Variants in ERCC5 observed in about 807,000 individuals in gnomAD.
The protein encoded by ERCC5 is ERCC excision repair 5, endonuclease.
In ERCC5, 68 loss-of-function variants were observed where a neutral mutation model predicts 105.6. The observed-to-expected ratio is 0.64, with a 90% CI of 0.53 to 0.79. ERCC5 has a LOEUF of 0.79. ERCC5 is among the 30% of genes least tolerant of loss of function. The pLI, the probability that ERCC5 is intolerant of heterozygous loss-of-function variation, is 0.00. For synonymous variants in ERCC5, 546 were observed against 526.2 expected, an observed-to-expected ratio of 1.04 and a Z score of -0.51; for missense variants, 1,373 against 1,426.7, an observed-to-expected ratio of 0.96 and a Z score of 0.61.
rs1416200387 is a variant in ERCC5, at chr13:102,853,890, G to A, written c.380+18G>A. The A allele has an allele frequency of 1.9e-6, 3 of 1,608,902 alleles. No homozygotes were observed. In the Admixed American group the frequency reaches 5.0e-5, roughly 27 times the overall value. On this transcript the variant is annotated intron_variant, in intron 3 of 14. Coordinates refer to ENST00000652225, the MANE Select transcript of ERCC5 (RefSeq NM_000123.4). Reference sequence around the variant, plus strand: ...AGCAAAAGGCAAGAGGAAAATTATAGTCGTGTTAGAGATGAAGTTTTAAAA... The same window carrying A: ...AGCAAAAGGCAAGAGGAAAATTATAATCGTGTTAGAGATGAAGTTTTAAAA...
At chr13:102,857,198 C>G (rs773226658) in intron 5 of ERCC5, among the ~76,000 whole-genome samples, 6 of 152,090 alleles carry the variant, frequency 3.9e-5, no homozygotes, top group Non-Finnish European at 8.8e-5. Context: ...GCTAAAACCT[C>G]GAGATCCTTC....
chr13:102,862,612 T>C lies in ERCC5; in HGVS notation c.1463T>C (p.Ile488Thr). ...CACGTGGGGACTGAAGCCTTTCCGA[T>C]AAGTGATGAGTCTATGATTAAGGAC... ...LVHVGTEAFPISDESMIKDRK... is the reference protein window; with the variant it reads ...LVHVGTEAFPTSDESMIKDRK... The change falls in exon 8 of 15, where the codon ATA becomes ACA. Residue 488 changes from isoleucine (I) to threonine (T), a missense_variant. By Grantham distance (89) the Ile-to-Thr change is moderately conservative. Transcript: ENST00000652225. The C allele has an allele frequency of 6.2e-7, 1 of 1,614,070 alleles. No homozygotes were observed. The highest frequency in any genetic ancestry group is 8.5e-7 in the Non-Finnish European group (1 of 1,180,004).
chr13:102,856,070 A>G lies in ERCC5; in HGVS notation c.486A>G (p.Glu162=), dbSNP rs774320256. Residue 162 remains glutamate, a synonymous_variant, in exon 5 of 15, where the codon GAA becomes GAG. Transcript: ENST00000652225. ...EEKHSSEEED[E]KEWQERMNQK... ...CTTTCAGTTCAGAAGAGGAAGATGA[A>G]AAAGAATGGCAAGAAAGAATGAATC... The G allele has an allele frequency of 6.2e-7, 1 of 1,614,056 alleles. No individual in the cohort carries two copies. Among genetic ancestry groups the G allele is most frequent in the Non-Finnish European group, 8.5e-7 (1 of 1,179,942 alleles).
chr13:102,860,005 C>A (rs890610331), intron 6 of ERCC5, among the ~76,000 whole-genome samples: 1 of 152,190 alleles, frequency 6.6e-6, no homozygotes, highest in Non-Finnish European at 1.5e-5. Flanking sequence ...TTGCCTGGAA[C>A]GTGAATCCTC....
At chr13:102,873,574 C>A (rs1296027163) in intron 14 of ERCC5, among the ~76,000 whole-genome samples, 4 of 151,994 alleles carry the variant, frequency 2.6e-5, no homozygotes, top group Non-Finnish European at 4.4e-5. Context: ...TCATTTTTTT[C>A]TTTGAAAAAA....
rs1175144211 is a variant in ERCC5 at position 102,875,548 on chromosome 13, G to T, written c.3206G>T (p.Ser1069Ile). 6.2e-6 allele frequency: 10 copies of T among 1,612,990 alleles called. No individual in the cohort carries two copies. The highest frequency in any genetic ancestry group is 2.7e-5 in the African/African-American group (2 of 74,782). ...GITNTLEESS[S>I]LKRKRLSDSK... ...ACAAATACCTTAGAAGAGTCATCAA[G>T]CCTGAAAAGAAAGAGGCTTTCAGAT... The change falls in exon 15 of 15, where the codon AGC becomes ATC. Residue 1069 changes from serine to isoleucine, a missense_variant. Ser to Ile is a moderately radical substitution (Grantham distance 142). This residue lies in a region of ERCC5 where 367 missense variants were observed against 350.2 expected (regional missense o/e 1.05). Transcript: ENST00000652225.
At position 102,864,126 on chromosome 13, in the gene ERCC5, CCACACACACACACACA is replaced by C. The variant is rs10647676; in HGVS notation, c.1954+1048_1954+1063del. Among the ~76,000 whole-genome samples, 1,379 of 140,972 alleles carry C rather than the reference CCACACACACACACACA, an allele frequency of 9.8e-3. 14 individuals are homozygous for C. The highest frequency in any genetic ancestry group is 0.015 in the Non-Finnish European group (999 of 65,464). The allele number at this position is 140,972 out of a possible 152,430, so 92.5% of individuals were successfully genotyped here. On this transcript the variant is annotated intron_variant, in intron 8 of 14. Transcript: ENST00000652225. ...TGGCCACTTTGAATAAGAGAATCAA[CCACACACACACACACA>C]CACACACACACACACACACACACAA...
In ERCC5 at chr13:102,846,321, C is replaced by T. The variant is rs2140511603; in HGVS notation, c.55C>T (p.Pro19Ser). 6.2e-7 allele frequency: 1 copy of T among 1,614,014 alleles called. No homozygotes were observed. The highest frequency in any genetic ancestry group is 8.5e-7 in the Non-Finnish European group (1 of 1,179,988). Residue 19 changes from proline (P) to serine (S), a missense_variant, in exon 1 of 15, where the codon CCC becomes TCC. Physicochemically the swap from Pro to Ser is moderately conservative, Grantham distance 74. Around this residue, in one of 3 missense-constraint regions of ERCC5, gnomAD observed 1,004 missense variants for 1,059.7 expected, o/e 0.95. Coordinates refer to ENST00000652225, the MANE Select transcript of ERCC5 (RefSeq NM_000123.4). ...LLECSGRQVS[P>S]EALEGKILAV... ...GGAGTGCTCCGGGCGGCAGGTCAGC[C>T]CCGAAGCGCTGGAAGGGAAGATCCT...
chr13:102,846,567 T>A (rs1249921814), intron 1 of ERCC5, among the ~76,000 whole-genome samples: 1 of 152,216 alleles, frequency 6.6e-6, no homozygotes, highest in Admixed American at 6.5e-5. Flanking sequence ...TATACCACGA[T>A]GTTCAAGTTC....
chr13:102,849,950 G>GT (rs972678358), intron 1 of ERCC5, among the ~76,000 whole-genome samples: 27 of 147,508 alleles, frequency 1.8e-4, no homozygotes, highest in African/African-American at 5.0e-4. Context: ...TTTTCTTTTT[G>GT]TTTTTTTTTG....
intron 11 of ERCC5, among the ~76,000 whole-genome samples, chr13:102,867,064 G>C (rs956567887): frequency 6.6e-6 from 1 of 151,838 alleles, no homozygotes; most frequent in Non-Finnish European, 1.5e-5. Flanking sequence ...TTAATCAACT[G>C]ACTTAGTTAA....
At chr13:102,853,434 GAATA>G (rs1308834580) in intron 2 of ERCC5, among the ~76,000 whole-genome samples, 1 of 152,166 alleles carries the variant, frequency 6.6e-6, no homozygotes, top group Non-Finnish European at 1.5e-5. Context: ...ACATTTTATA[GAATA>G]AATAAATAAT....
At chr13:102,854,078 A>G (rs188297278) in intron 3 of ERCC5, 9 of 737,290 alleles carry the variant, frequency 1.2e-5, no homozygotes, top group Admixed American at 2.8e-5. Context: ...TGCTAATGAG[A>G]AAAAAAAGCT....
At chr13:102,848,912 C>T (rs1415376108) in intron 1 of ERCC5, among the ~76,000 whole-genome samples, 1 of 152,080 alleles carries the variant, frequency 6.6e-6, no homozygotes, top group Non-Finnish European at 1.5e-5. Flanking sequence ...GAAGTCCTAC[C>T]TCAGTCTCTA....
intron 14 of ERCC5, chr13:102,874,737 A>C (rs1019140116): frequency 6.5e-6 from 1 of 152,788 alleles, no homozygotes; most frequent in Non-Finnish European, 1.5e-5. Context: ...GTAAGCCAGA[A>C]TGGTCTCGAT....
intron 3 of ERCC5, 83 bp downstream of exon 3, chr13:102,853,955 T>A: frequency 7.4e-7 from 1 of 1,350,704 alleles, no homozygotes; most frequent in Non-Finnish European, 1.1e-6. Flanking sequence ...TCTCTTTCCC[T>A]ATCTAATTTT....
At position 102,865,782 on chromosome 13, in the gene ERCC5, G is replaced by A. The variant is rs924782794; in HGVS notation, c.2070G>A (p.Glu690=). Reference sequence around the variant, plus strand: ...AAGAGGAACTGGTAGGAACTAGGGAGGGAGAAGCCCCTGCTGAGTCCGAGA... The same window carrying A: ...AAGAGGAACTGGTAGGAACTAGGGAAGGAGAAGCCCCTGCTGAGTCCGAGA... The part of the protein sequence containing the change: ...QGEEELVGTR[E]GEAPAESESL... The change falls in exon 9 of 15, where the codon GAG becomes GAA. Residue 690 remains glutamate (E), a synonymous_variant. Coordinates refer to ENST00000652225, the MANE Select transcript of ERCC5 (RefSeq NM_000123.4). The surrounding 1 kb of genome is among the most constrained non-coding windows in gnomAD (Gnocchi z 4.0). The A allele has an allele frequency of 1.2e-6, 2 of 1,614,042 alleles. No individual in the cohort carries two copies. The highest frequency in any genetic ancestry group is 2.7e-5 in the African/African-American group (2 of 74,912).
intron 12 of ERCC5, among the ~76,000 whole-genome samples, chr13:102,871,662 A>G (rs972976239): frequency 9.9e-5 from 15 of 152,030 alleles, no homozygotes; most frequent in African/African-American, 3.6e-4. Context: ...AGATACATGT[A>G]TCTGTTTTTA....
In ERCC5 at chr13:102,862,171, C is replaced by T; in HGVS notation, c.1022C>T (p.Ser341Phe). 6.2e-7 allele frequency: 1 copy of T among 1,614,222 alleles called. No individual in the cohort carries two copies. The highest frequency in any genetic ancestry group is 8.5e-7 in the Non-Finnish European group (1 of 1,180,036). ...TEKEPDATPP[S>F]PRTLLAMQAA... is the part of the protein sequence containing the mutation. ...AAAGAGCCTGATGCTACCCCTCCTT[C>T]TCCAAGAACTTTACTAGCTATGCAA... The change falls in exon 8 of 15, where the codon TCT (serine) becomes TTT (phenylalanine). Residue 341 changes from serine to phenylalanine, a missense_variant. By Grantham distance (155) the Ser-to-Phe change is radical. Coordinates refer to ENST00000652225, the MANE Select transcript of ERCC5 (RefSeq NM_000123.4).
Sources: allele counts gnomAD v4.1 joint callset (sites outside exome capture counted in the v4.1 genomes callset), GRCh38; gene constraint gnomAD v4.1.1; regional missense constraint gnomAD v4.1.1; non-coding constraint Gnocchi (gnomAD v3.1); transcripts MANE v1.5; gene names NCBI Gene and HGNC (gene_info 2026-07-23, HGNC 2026-07-21).